Variants in RAP1GAP2 observed in about 807,000 individuals in gnomAD.
RAP1GAP2 encodes rap1 GTPase-activating protein 2.
Under a neutral mutation model 95.0 loss-of-function variants are expected in RAP1GAP2, and 27 were observed. The observed-to-expected ratio is 0.28, with a 90% CI of 0.21 to 0.39. The LOEUF (loss-of-function observed/expected upper bound fraction) is 0.39, where lower values mean the gene tolerates loss of function less well. RAP1GAP2 is among the 10% of genes least tolerant of loss of function. RAP1GAP2 has a pLI of 1.00. For synonymous variants in RAP1GAP2, 373 were observed against 380.9 expected (o/e 0.98, Z 0.24); for missense variants, 771 against 970.0 (o/e 0.79, Z 2.72).
chr17:2,777,562 C>T (rs1402294212), intron 1 of RAP1GAP2, among the ~76,000 whole-genome samples: 1 of 152,104 alleles, frequency 6.6e-6, no homozygotes, highest in Non-Finnish European at 1.5e-5. Context: ...CAGGAGACCT[C>T]AGGGGTCCGT....
intron 18 of RAP1GAP2, among the ~76,000 whole-genome samples, chr17:3,018,448 C>T (rs374182789): frequency 1.2e-4 from 19 of 152,294 alleles, no homozygotes; most frequent in African/African-American, 4.3e-4. Context: ...CTGTCCTGTT[C>T]TCTTGAGTTT....
At chr17:2,780,294 G>A (rs112047425) in intron 1 of RAP1GAP2, among the ~76,000 whole-genome samples, 21,967 of 152,140 alleles carry the variant, frequency 0.14, 1,830 homozygotes, top group East Asian at 0.33. Context: ...CAGGTGATCC[G>A]CCCGCCCTGG....
At chr17:2,811,781 G>A (rs961356221) in intron 2 of RAP1GAP2, among the ~76,000 whole-genome samples, 1 of 152,056 alleles carries the variant, frequency 6.6e-6, no homozygotes, top group African/African-American at 2.4e-5. Flanking sequence ...GTTTCACCAC[G>A]TTGAGCAGGC....
In RAP1GAP2 at chr17:3,026,101, A is replaced by T. The variant is rs762037360; in HGVS notation, c.1845A>T (p.Glu615Asp). ...SETSSNPSSP[E>D]ICPNKEKPFM... ...CCTCATCCAATCCCAGCTCTCCGGA[A>T]ATCTGCCCCAACAAGGAGAAGTAAG... The change falls in exon 20 of 25, where the codon GAA becomes GAT. Residue 615 changes from glutamate (E) to aspartate (D), a missense_variant. Coordinates refer to ENST00000254695, the MANE Select transcript of RAP1GAP2 (RefSeq NM_015085.5). The T allele has an allele frequency of 6.2e-7, 1 of 1,610,840 alleles. No homozygotes were observed. Among genetic ancestry groups the T allele is most frequent in the South Asian group, 1.1e-5 (1 of 90,998 alleles).
At chr17:2,808,370 GAGTTTGGGC>G (rs1272425005) in intron 2 of RAP1GAP2, among the ~76,000 whole-genome samples, 4 of 152,122 alleles carry the variant, frequency 2.6e-5, no homozygotes, top group Non-Finnish European at 5.9e-5. Context: ...GAGAACTAGC[GAGTTTGGGC>G]AGTTTGGGCG....
intron 10 of RAP1GAP2, among the ~76,000 whole-genome samples, 158 bp from the exon 11 acceptor site, chr17:2,984,825 C>T (rs750402966): frequency 6.6e-6 from 1 of 152,024 alleles, no homozygotes; most frequent in Non-Finnish European, 1.5e-5. Flanking sequence ...GCCTGACTGT[C>T]TACTTATTAT....
rs181995879 is a variant in RAP1GAP2, at chr17:2,891,510, C to T, written c.81-13774C>T. Among the ~76,000 whole-genome samples the T allele has an allele frequency of 1.5e-4, 22 of 150,712 alleles. No individual in the cohort carries two copies. In the East Asian group the frequency reaches 2.9e-3, roughly 20 times the overall value. On this transcript the variant is annotated intron_variant, in intron 2 of 24. Coordinates refer to ENST00000254695, the MANE Select transcript of RAP1GAP2 (RefSeq NM_015085.5). Reference sequence around the variant, plus strand: ...ATGGCCCCTCCCTACCCTCCCCCATCTCCGCCAAGCTTGCATCCATCAGAT... The same window carrying T: ...ATGGCCCCTCCCTACCCTCCCCCATTTCCGCCAAGCTTGCATCCATCAGAT...
intron 11 of RAP1GAP2, among the ~76,000 whole-genome samples, chr17:2,986,813 A>G (rs1471728629): frequency 6.6e-6 from 1 of 152,200 alleles, no homozygotes; most frequent in African/African-American, 2.4e-5. Context: ...GAATCTTGCA[A>G]GAGAAGTGCA....
At chr17:2,808,525 G>A (rs1005717404) in intron 2 of RAP1GAP2, among the ~76,000 whole-genome samples, 1 of 152,048 alleles carries the variant, frequency 6.6e-6, no homozygotes, top group African/African-American at 2.4e-5. Flanking sequence ...CCTGAGGGCC[G>A]TGGGGGCTGG....
intron 2 of RAP1GAP2, among the ~76,000 whole-genome samples, chr17:2,806,741 TCTCA>T (rs2069538416): frequency 6.7e-6 from 1 of 150,134 alleles, no homozygotes; most frequent in Non-Finnish European, 1.5e-5. Flanking sequence ...TGAGACAGAG[TCTCA>T]CTCTCTCTCA....
chr17:2,879,300 G>A (rs2073204386), intron 2 of RAP1GAP2, among the ~76,000 whole-genome samples: 1 of 152,060 alleles, frequency 6.6e-6, no homozygotes, highest in African/African-American at 2.4e-5. Flanking sequence ...AAACTTAGTA[G>A]AGCTGGGGTT....
intron 2 of RAP1GAP2, among the ~76,000 whole-genome samples, chr17:2,832,290 G>A (rs373920118): frequency 2.6e-5 from 4 of 151,514 alleles, no homozygotes; most frequent in East Asian, 1.9e-4. Flanking sequence ...CGGGCGCGGT[G>A]GCTCATGCCT....
At chr17:2,858,318 G>A (rs981394983) in intron 2 of RAP1GAP2, among the ~76,000 whole-genome samples, 4 of 152,126 alleles carry the variant, frequency 2.6e-5, no homozygotes, top group Non-Finnish European at 5.9e-5. Context: ...GGGAGAGCTC[G>A]AATCTGATGA....
At chr17:2,800,589 A>T in intron 2 of RAP1GAP2, 39 bp downstream of exon 2, 1 of 1,602,950 alleles carries the variant, frequency 6.2e-7, no homozygotes, top group Non-Finnish European at 8.5e-7. Context: ...GTCAGAGATG[A>T]CGCGGATCAG....
chr17:2,939,567 G>A (rs1289185786), intron 3 of RAP1GAP2, among the ~76,000 whole-genome samples: 1 of 152,240 alleles, frequency 6.6e-6, no homozygotes, highest in South Asian at 2.1e-4. Flanking sequence ...GCCTGCTGGA[G>A]TCTCCAAACA....
chr17:2,875,893 T>C (rs757170857), intron 2 of RAP1GAP2, among the ~76,000 whole-genome samples: 1 of 151,808 alleles, frequency 6.6e-6, no homozygotes. Flanking sequence ...TCATCCTTCC[T>C]GTAGCCTTCC....
intron 3 of RAP1GAP2, among the ~76,000 whole-genome samples, chr17:2,950,994 G>C (rs528557780): frequency 1.6e-4 from 25 of 152,302 alleles, no homozygotes; most frequent in African/African-American, 3.6e-4. Flanking sequence ...GCAGTAGCAG[G>C]TTGCCCACTC....
chr17:2,872,490 G>A (rs1319204936), intron 2 of RAP1GAP2, among the ~76,000 whole-genome samples: 1 of 152,096 alleles, frequency 6.6e-6, no homozygotes, highest in Admixed American at 6.6e-5. Context: ...GTTCTTGGTG[G>A]TATTGGCTGC....
upstream of RAP1GAP2, among the ~76,000 whole-genome samples, chr17:2,791,857 C>CTTT (rs530185952): frequency 7.4e-5 from 10 of 136,026 alleles, no homozygotes; most frequent in Admixed American, 1.5e-4. Flanking sequence ...CCTTTTCTCT[C>CTTT]TTTTTTTTTT....
Sources: allele counts gnomAD v4.1 joint callset (sites outside exome capture counted in the v4.1 genomes callset), GRCh38; gene constraint gnomAD v4.1.1; transcripts MANE v1.5; gene names NCBI Gene and HGNC (gene_info 2026-07-23, HGNC 2026-07-21).